The following SCEL variants were observed in gnomAD, a reference collection of about 807,000 sequenced individuals.
SCEL encodes sciellin.
SCEL carries 113 observed loss-of-function variants against 117.6 expected under a neutral mutation model. The observed-to-expected ratio is 0.96, with a 90% confidence interval of 0.83 to 1.12. The LOEUF (loss-of-function observed/expected upper bound fraction) is 1.12, where lower values mean the gene tolerates loss of function less well. Among genes scored for constraint, SCEL ranks in the 50% most tolerant of loss-of-function variants. The probability of loss-of-function intolerance (pLI) is 0.00; values close to 1 mark genes in which losing one functional copy is unlikely to be tolerated. For synonymous variants in SCEL, 270 were observed against 256.2 expected, an observed-to-expected ratio of 1.05 and a Z score of -0.51; for missense variants, 785 against 810.8, an observed-to-expected ratio of 0.97 and a Z score of 0.39.
Position 77,543,233 on chromosome 13 carries a change from A to G in SCEL, c.-20+7409A>G, listed in dbSNP as rs1301923766. 5.5e-5 allele frequency among the ~76,000 whole-genome samples: 8 copies of G among 145,920 alleles called. No individual in the cohort carries two copies. In the East Asian group the frequency reaches 6.0e-4, roughly 11 times the overall value. On this transcript the variant is annotated intron_variant, in intron 1 of 32. Coordinates refer to ENST00000349847, the MANE Select transcript of SCEL (RefSeq NM_144777.3). ...CAAGTAGCTGGGACTACAGGCGCCC[A>G]CCACCACGCCCGGCTAATTTTTTGT...
chr13:77,630,643 T>A (rs1422543522), intron 28 of SCEL, among the ~76,000 whole-genome samples: 1 of 152,232 alleles, frequency 6.6e-6, no homozygotes, highest in Non-Finnish European at 1.5e-5. Context: ...CATTTTATAT[T>A]CTCACACGCA....
chr13:77,637,056 G>T, intron 29 of SCEL, 64 bp from the exon 30 acceptor site: 1 of 738,582 alleles, frequency 1.4e-6, no homozygotes, highest in Non-Finnish European at 2.3e-6. Flanking sequence ...TGGTGTGAGT[G>T]TGTTTTCTTA....
intron 27 of SCEL, among the ~76,000 whole-genome samples, chr13:77,625,207 A>C (rs1309079308): frequency 6.6e-6 from 1 of 152,178 alleles, no homozygotes; most frequent in Non-Finnish European, 1.5e-5. Context: ...TATTCCCTTT[A>C]ATTTTATTCC....
chr13:77,560,549 A>G (rs1490007570), intron 4 of SCEL, among the ~76,000 whole-genome samples: 1 of 152,242 alleles, frequency 6.6e-6, no homozygotes, highest in Admixed American at 6.5e-5. Flanking sequence ...GCTTTATGGG[A>G]CAGTACCTTT....
intron 27 of SCEL, among the ~76,000 whole-genome samples, chr13:77,622,787 A>C (rs1265509134): frequency 6.6e-6 from 1 of 152,160 alleles, no homozygotes; most frequent in African/African-American, 2.4e-5. Context: ...GCTTGAGTCC[A>C]GGAGTTCGAG....
At chr13:77,605,407 T>C (rs1423660779) in intron 19 of SCEL, among the ~76,000 whole-genome samples, 1 of 152,106 alleles carries the variant, frequency 6.6e-6, no homozygotes, top group Non-Finnish European at 1.5e-5. Context: ...GAAGAAAACA[T>C]TGATTTCCTT....
At chr13:77,618,112 T>C (rs2089194813) in intron 27 of SCEL, 52 bp downstream of exon 27, 1 of 1,405,672 alleles carries the variant, frequency 7.1e-7, no homozygotes, top group Non-Finnish European at 1.0e-6. Context: ...GGGTAGGAAC[T>C]TCTCCCTCCC....
chr13:77,628,307 TG>T (rs1348198180), intron 28 of SCEL, among the ~76,000 whole-genome samples: 1 of 151,936 alleles, frequency 6.6e-6, no homozygotes, highest in Admixed American at 6.6e-5. Flanking sequence ...TTAGTGTAAA[TG>T]GCATCATGGA....
chr13:77,610,447 G>A (rs1302590627), intron 22 of SCEL, among the ~76,000 whole-genome samples: 20 of 35,030 alleles, frequency 5.7e-4, no homozygotes, highest in Admixed American at 1.5e-3. Flanking sequence ...GCAAGACTCC[G>A]TCAAAAAAAA....
At chr13:77,623,154 T>C (rs1045751968) in intron 27 of SCEL, among the ~76,000 whole-genome samples, 4 of 152,196 alleles carry the variant, frequency 2.6e-5, no homozygotes, top group African/African-American at 9.7e-5. Flanking sequence ...CATTATGCAA[T>C]TGATGTGGTC....
At chr13:77,585,707 TG>T (rs1250527184) in intron 9 of SCEL, among the ~76,000 whole-genome samples, 12 of 152,144 alleles carry the variant, frequency 7.9e-5, no homozygotes, top group African/African-American at 2.7e-4. Context: ...TCTTATCACC[TG>T]GACCATCTCC....
chr13:77,546,040 A>G (rs1019812951), intron 1 of SCEL, among the ~76,000 whole-genome samples: 5 of 152,246 alleles, frequency 3.3e-5, no homozygotes, highest in African/African-American at 1.2e-4. Context: ...GAGAAAATGA[A>G]ACGTTATCAA....
chr13:77,541,438 T>G (rs1374463800), intron 1 of SCEL, among the ~76,000 whole-genome samples: 1 of 152,192 alleles, frequency 6.6e-6, no homozygotes, highest in Non-Finnish European at 1.5e-5. Context: ...ATCAAGAATA[T>G]TTTAGAAATT....
intron 1 of SCEL, among the ~76,000 whole-genome samples, chr13:77,555,372 C>T (rs1026295016): frequency 7.9e-5 from 12 of 152,306 alleles, no homozygotes; most frequent in African/African-American, 2.4e-4. Context: ...TCTAATTACA[C>T]AGCAGTTTCC....
chr13:77,599,818 C>G (rs1567401220), intron 15 of SCEL, 70 bp downstream of exon 15: 2 of 1,086,490 alleles, frequency 1.8e-6, no homozygotes, highest in African/African-American at 3.1e-5. Flanking sequence ...GAGGAGACCT[C>G]CTGCTTAGTA....
intron 17 of SCEL, 107 bp from the exon 18 acceptor site, chr13:77,602,968 AT>A: frequency 1.5e-6 from 1 of 680,542 alleles, no homozygotes; most frequent in Non-Finnish European, 2.4e-6. Context: ...TAATGTCAGT[AT>A]AATAATTTTC....
intron 19 of SCEL, among the ~76,000 whole-genome samples, chr13:77,606,142 G>A (rs2088160986): frequency 6.6e-6 from 1 of 152,136 alleles, no homozygotes; most frequent in African/African-American, 2.4e-5. Flanking sequence ...GTGTCTATAT[G>A]CATATGTAAT....
intron 31 of SCEL, among the ~76,000 whole-genome samples, chr13:77,642,219 A>T (rs1167860578): frequency 2.0e-5 from 3 of 152,172 alleles, no homozygotes; most frequent in African/African-American, 7.2e-5. Flanking sequence ...TGGTTTAGAC[A>T]CAACCAATTA....
chr13:77,543,849 T>C (rs1334201364), intron 1 of SCEL, among the ~76,000 whole-genome samples: 1 of 152,210 alleles, frequency 6.6e-6, no homozygotes, highest in African/African-American at 2.4e-5. Context: ...CCCGGGCTTC[T>C]GAGATAGGTA....
Sources: allele counts gnomAD v4.1 joint callset (sites outside exome capture counted in the v4.1 genomes callset), GRCh38; gene constraint gnomAD v4.1.1; transcripts MANE v1.5; gene names NCBI Gene and HGNC (gene_info 2026-07-23, HGNC 2026-07-21).